The following CAMK1D variants were observed in gnomAD, a reference collection of about 807,000 sequenced individuals.
The protein encoded by CAMK1D is calcium/calmodulin dependent protein kinase ID, also known as calcium/calmodulin-dependent protein kinase type 1D.
Under a neutral mutation model 47.7 loss-of-function variants are expected in CAMK1D, and 9 were observed. The observed-to-expected ratio is 0.19, with a 90% CI of 0.11 to 0.33. The LOEUF is 0.33. CAMK1D is among the 10% of genes least tolerant of loss of function. CAMK1D has a pLI of 1.00. For missense variants in CAMK1D, 291 were observed against 488.7 expected (o/e 0.60, Z 3.81); for synonymous variants, 184 against 184.9 (o/e 0.99, Z 0.04).
chr10:12,386,609 A>C (rs968659007), intron 1 of CAMK1D, among the ~76,000 whole-genome samples: 1 of 152,234 alleles, frequency 6.6e-6, no homozygotes, highest in African/African-American at 2.4e-5. Flanking sequence ...TATACTGCTT[A>C]ATGTAAAAAA....
intron 1 of CAMK1D, among the ~76,000 whole-genome samples, chr10:12,481,008 A>G (rs1834048810): frequency 6.6e-6 from 1 of 152,176 alleles, no homozygotes; most frequent in Admixed American, 6.5e-5. Context: ...AATTTAGTTT[A>G]TAGTTTAAAT....
Position 12,624,907 on chromosome 10 carries a change from G to A in CAMK1D, c.225-41829G>A, listed in dbSNP as rs1839158709. Reference sequence around the variant, plus strand: ...TGCCTACACACAATGGGTGGCCCAGGTTTCCTGGCTGACAGAATCTTCTCA... The same window carrying A: ...TGCCTACACACAATGGGTGGCCCAGATTTCCTGGCTGACAGAATCTTCTCA... On this transcript the variant is annotated intron_variant, in intron 2 of 10. Transcript: ENST00000619168. 3.3e-5 allele frequency among the ~76,000 whole-genome samples: 5 copies of A among 152,196 alleles called. No homozygotes were observed. In the South Asian group the frequency reaches 1.0e-3, roughly 32 times the overall value.
intron 3 of CAMK1D, among the ~76,000 whole-genome samples, chr10:12,724,889 CA>C (rs5783285): frequency 3.9e-4 from 57 of 145,392 alleles, no homozygotes; most frequent in Admixed American, 4.1e-4. Context: ...CTTAAAAAAC[CA>C]AAAAAAAAAA....
chr10:12,616,038 T>C (rs540123047), intron 2 of CAMK1D, among the ~76,000 whole-genome samples: 1 of 151,852 alleles, frequency 6.6e-6, no homozygotes, highest in Admixed American at 6.6e-5. Context: ...TGTGTGGGTG[T>C]GTGAGTGCAC....
chr10:12,429,910 G>T (rs1431164719), intron 1 of CAMK1D, among the ~76,000 whole-genome samples: 1 of 152,020 alleles, frequency 6.6e-6, no homozygotes, highest in African/African-American at 2.4e-5. Flanking sequence ...GCATCCTTTG[G>T]ACACATGGGC....
At chr10:12,349,998 G>T in intron 1 of CAMK1D, 88 bp downstream of exon 1, 1 of 612,566 alleles carries the variant, frequency 1.6e-6, no homozygotes, top group Non-Finnish European at 2.6e-6. Flanking sequence ...CCACTACCGC[G>T]GCAGAAACCC....
chr10:12,361,403 C>A (rs369441498), intron 1 of CAMK1D, among the ~76,000 whole-genome samples: 5 of 151,956 alleles, frequency 3.3e-5, no homozygotes, highest in Admixed American at 1.3e-4. Context: ...TGCACCACCA[C>A]ACCCAGCTAA....
intron 8 of CAMK1D, among the ~76,000 whole-genome samples, chr10:12,821,765 A>C (rs1272500516): frequency 6.6e-6 from 1 of 152,254 alleles, no homozygotes; most frequent in Non-Finnish European, 1.5e-5. Context: ...GCTGGAGGTC[A>C]GGAGTTCAAG....
chr10:12,819,283 A>G (rs1192399342), intron 8 of CAMK1D, among the ~76,000 whole-genome samples: 1 of 152,224 alleles, frequency 6.6e-6, no homozygotes. Context: ...TTCCAGGCAG[A>G]TGAGCGTCTG....
At chr10:12,602,174 C>G (rs1487592226) in intron 2 of CAMK1D, among the ~76,000 whole-genome samples, 2 of 152,268 alleles carry the variant, frequency 1.3e-5, no homozygotes, top group African/African-American at 4.8e-5. Flanking sequence ...GAAAGTAATT[C>G]AGGAAAGCCC....
intron 9 of CAMK1D, among the ~76,000 whole-genome samples, chr10:12,825,355 CTA>C (rs879856304): frequency 3.3e-5 from 5 of 151,298 alleles, no homozygotes; most frequent in Non-Finnish European, 7.4e-5. Flanking sequence ...CAGAAGAAAA[CTA>C]TTTTAAGTCT....
chr10:12,541,842 T>TCTTCCTTCCTACCTTCCTTC (rs1836194038), intron 1 of CAMK1D, among the ~76,000 whole-genome samples: 1 of 116,608 alleles, frequency 8.6e-6, no homozygotes, highest in African/African-American at 3.2e-5. Flanking sequence ...CTGTGTTTTA[T>TCTTCCTTCCTACCTTCCTTC]CTTCCTTCCT....
At chr10:12,574,757 G>A (rs549747070) in intron 2 of CAMK1D, among the ~76,000 whole-genome samples, 34 of 152,242 alleles carry the variant, frequency 2.2e-4, no homozygotes, top group Non-Finnish European at 4.4e-4. Context: ...AGGCTGTACT[G>A]CAAACATAGA....
At chr10:12,613,885 G>T (rs1333206098) in intron 2 of CAMK1D, among the ~76,000 whole-genome samples, 1 of 152,190 alleles carries the variant, frequency 6.6e-6, no homozygotes, top group African/African-American at 2.4e-5. Context: ...ATTGTACAGG[G>T]AAGAAAACTG....
chr10:12,452,157 A>G (rs1193242387), intron 1 of CAMK1D, among the ~76,000 whole-genome samples: 4 of 152,176 alleles, frequency 2.6e-5, no homozygotes, highest in African/African-American at 9.7e-5. Context: ...TTCTGAGAGC[A>G]GCGTATGGAA....
chr10:12,600,340 A>G (rs1013881058), intron 2 of CAMK1D, among the ~76,000 whole-genome samples: 1 of 152,182 alleles, frequency 6.6e-6, no homozygotes, highest in Admixed American at 6.5e-5. Context: ...GGAATGAAAC[A>G]ATGGGCCCTA....
At chr10:12,466,592 C>CT (rs397844890) in intron 1 of CAMK1D, among the ~76,000 whole-genome samples, 19,950 of 132,408 alleles carry the variant, frequency 0.15, 1,497 homozygotes, top group Non-Finnish European at 0.2. Context: ...CTCTGAATTT[C>CT]TTTTTTTTTT....
At chr10:12,693,922 AT>A (rs1833038752) in intron 3 of CAMK1D, among the ~76,000 whole-genome samples, 1 of 101,938 alleles carries the variant, frequency 9.8e-6, no homozygotes, top group African/African-American at 3.7e-5. Flanking sequence ...ATATATAAAA[AT>A]ATATATAACA....
chr10:12,542,254 G>T (rs1836220496), intron 1 of CAMK1D, among the ~76,000 whole-genome samples: 1 of 152,124 alleles, frequency 6.6e-6, no homozygotes, highest in Non-Finnish European at 1.5e-5. Flanking sequence ...TAGTAGAAAA[G>T]AACATTTTAA....
Sources: allele counts gnomAD v4.1 joint callset (sites outside exome capture counted in the v4.1 genomes callset), GRCh38; gene constraint gnomAD v4.1.1; transcripts MANE v1.5; gene names NCBI Gene and HGNC (gene_info 2026-07-23, HGNC 2026-07-21).